PDE7A: variants seen among roughly 807,000 people sequenced by gnomAD.
PDE7A encodes high affinity 3',5'-cyclic-AMP phosphodiesterase 7A.
Under a neutral mutation model 64.3 loss-of-function variants are expected in PDE7A, and 39 were observed. The ratio of observed to expected loss-of-function variants is 0.61; its 90% CI spans 0.47 to 0.79. PDE7A has a LOEUF of 0.79. Among genes scored for constraint, PDE7A ranks in the 30% least tolerant of loss-of-function variants. The pLI, the probability that PDE7A is intolerant of heterozygous loss-of-function variation, is 0.00. For missense variants in PDE7A, 470 were observed against 582.8 expected (o/e 0.81, Z 1.99); for synonymous variants, 203 against 206.8 (o/e 0.98, Z 0.16).
intron 1 of PDE7A, among the ~76,000 whole-genome samples, chr8:65,800,510 G>T (rs1309550875): frequency 6.6e-6 from 1 of 152,126 alleles, no homozygotes. Context: ...AAAAATCCTT[G>T]CCTGCAAGTC....
At chr8:65,795,323 A>G (rs1809810273) in intron 1 of PDE7A, among the ~76,000 whole-genome samples, 1 of 152,200 alleles carries the variant, frequency 6.6e-6, no homozygotes, top group Non-Finnish European at 1.5e-5. Flanking sequence ...CAGCGGTCTC[A>G]CAAAGCTAAG....
In PDE7A at chr8:65,768,973, C is replaced by T. The variant is rs541296017; in HGVS notation, c.283+10747G>A. ...ACTAAAAGTAACAGACATGGCCAGGCGAGGTGGCTCACACCTGTAATCCCA... is the reference window on the plus strand; with the variant it reads ...ACTAAAAGTAACAGACATGGCCAGGTGAGGTGGCTCACACCTGTAATCCCA... On this transcript the variant is annotated intron_variant, in intron 3 of 12. Coordinates refer to ENST00000401827, the MANE Select transcript of PDE7A (RefSeq NM_001242318.3). Among the ~76,000 whole-genome samples, 57 of 152,184 alleles carry T rather than the reference C, an allele frequency of 3.7e-4. 1 individual carries two copies. The highest frequency in any genetic ancestry group is 1.5e-3 in the South Asian group (7 of 4,812).
intron 3 of PDE7A, among the ~76,000 whole-genome samples, chr8:65,768,751 T>A (rs181245226): frequency 5.3e-5 from 8 of 152,208 alleles, no homozygotes; most frequent in Non-Finnish European, 1.2e-4. Flanking sequence ...TAACAATGAC[T>A]TCTTTATGTA....
intron 3 of PDE7A, among the ~76,000 whole-genome samples, chr8:65,779,050 G>A (rs186315624): frequency 1.3e-5 from 2 of 152,230 alleles, no homozygotes; most frequent in Admixed American, 1.3e-4. Context: ...CTGAAGTTCT[G>A]GACTTATCTC....
At chr8:65,813,632 C>T (rs1282208977) in intron 1 of PDE7A, among the ~76,000 whole-genome samples, 1 of 152,082 alleles carries the variant, frequency 6.6e-6, no homozygotes, top group Admixed American at 6.5e-5. Context: ...AATTCTTAGA[C>T]TAAAAGAATG....
At chr8:65,839,915 G>A (rs1341948588) in intron 1 of PDE7A, among the ~76,000 whole-genome samples, 1 of 152,132 alleles carries the variant, frequency 6.6e-6, no homozygotes, top group African/African-American at 2.4e-5. Flanking sequence ...AATAATCAGT[G>A]ATTGCCTTTA....
intron 7 of PDE7A, among the ~76,000 whole-genome samples, chr8:65,734,590 C>T (rs1807044137): frequency 1.3e-5 from 2 of 152,142 alleles, no homozygotes; most frequent in African/African-American, 4.8e-5. Context: ...GCTTCTCCAG[C>T]CTCTCTCTCA....
At chr8:65,745,512 A>G in intron 4 of PDE7A, 42 bp from the exon 5 acceptor site, 4 of 1,084,740 alleles carry the variant, frequency 3.7e-6, no homozygotes, top group Non-Finnish European at 5.7e-6. Flanking sequence ...TTTAATTTCA[A>G]TAACATTGTC....
chr8:65,742,363 C>T (rs1456931832), intron 5 of PDE7A, among the ~76,000 whole-genome samples: 3 of 152,156 alleles, frequency 2.0e-5, no homozygotes, highest in South Asian at 2.1e-4. Context: ...TTTGCTATGT[C>T]GCATCACTTA....
intron 6 of PDE7A, among the ~76,000 whole-genome samples, chr8:65,736,615 G>A (rs1434071862): frequency 1.3e-5 from 2 of 151,788 alleles, no homozygotes; most frequent in African/African-American, 2.4e-5. Context: ...GTCTGGTGTG[G>A]TGGTGCACAC....
rs570144208 is a variant in PDE7A, at chr8:65,832,725, C to G, written c.138+8646G>C. Reference sequence around the variant, plus strand: ...CTGGTCTCAAATTCCTGAATTCAAGCAACCCTCCCACCTAAGCCTCACAAG... The same window carrying G: ...CTGGTCTCAAATTCCTGAATTCAAGGAACCCTCCCACCTAAGCCTCACAAG... On this transcript the variant is annotated intron_variant, in intron 1 of 12. Transcript: ENST00000401827. Among the ~76,000 whole-genome samples the G allele has an allele frequency of 2.9e-4, 44 of 152,216 alleles. No homozygotes were observed. The South Asian group carries it at 9.1e-3, about 32-fold the overall frequency.
At chr8:65,722,694 A>AT (rs1210189087) in intron 12 of PDE7A, 1 of 152,180 alleles carries the variant, frequency 6.6e-6, no homozygotes, top group Non-Finnish European at 1.5e-5. Context: ...GTCACAGGAC[A>AT]TTTTCATTAT....
chr8:65,722,040 C>T (rs1362502251), intron 12 of PDE7A: 1 of 152,194 alleles, frequency 6.6e-6, no homozygotes, highest in Non-Finnish European at 1.5e-5. Context: ...ATCAGCCCGC[C>T]TCGGCTTCCC....
At chr8:65,730,677 CA>C (rs1330006076) in intron 7 of PDE7A, among the ~76,000 whole-genome samples, 5 of 152,042 alleles carry the variant, frequency 3.3e-5, no homozygotes, top group Non-Finnish European at 1.5e-5. Context: ...CCTGTAATTC[CA>C]GCACTTTGCA....
chr8:65,790,019 G>A (rs761173101), intron 1 of PDE7A, among the ~76,000 whole-genome samples: 22 of 152,222 alleles, frequency 1.4e-4, no homozygotes, highest in Non-Finnish European at 2.8e-4. Context: ...GTTAAGAGGT[G>A]AAGGACTTCT....
chr8:65,759,266 T>C (rs1363018790), intron 3 of PDE7A, among the ~76,000 whole-genome samples: 2 of 151,946 alleles, frequency 1.3e-5, no homozygotes, highest in Admixed American at 1.3e-4. Context: ...AAAATGGGGG[T>C]GAGGGGCTCA....
At chr8:65,770,152 TG>T (rs1563499615) in intron 3 of PDE7A, among the ~76,000 whole-genome samples, 1 of 143,548 alleles carries the variant, frequency 7.0e-6, no homozygotes, top group African/African-American at 2.5e-5. Context: ...TGTGTGTGTG[TG>T]TGTGTGTGTG....
chr8:65,725,003 G>A (rs904217878), intron 9 of PDE7A, 82 bp from the exon 10 acceptor site: 20 of 858,398 alleles, frequency 2.3e-5, no homozygotes, highest in African/African-American at 1.4e-4. Context: ...CATAATAATC[G>A]GAAGGCTTTA....
Position 65,716,290 on chromosome 8 carries a change from G to T in PDE7A, c.*3000C>A, listed in dbSNP as rs541049167. On this transcript the variant is annotated 3_prime_UTR_variant, in exon 13 of 13. Transcript: ENST00000401827. The stretch of plus-strand genomic sequence containing the variant: ...TCCCCTGAGAATGTGGAAATAGGAT[G>T]ATCTTTTCAGTTTCAAACTATAAGA... Among the ~76,000 whole-genome samples, 2 of 152,260 alleles carry T rather than the reference G, an allele frequency of 1.3e-5. No homozygotes were observed. Among genetic ancestry groups the T allele is most frequent in the Admixed American group, 1.3e-4 (2 of 15,288 alleles).
Sources: gnomAD v4.1 joint callset for allele counts (sites outside exome capture counted in the v4.1 genomes callset) on GRCh38, gnomAD v4.1.1 for gene constraint, MANE v1.5 for transcripts, NCBI Gene and HGNC (gene_info 2026-07-23, HGNC 2026-07-21) for gene names.